The following SHISA9 variants were observed in gnomAD, a reference collection of about 807,000 sequenced individuals.
SHISA9 encodes the protein protein shisa-9.
Under a neutral mutation model 38.0 loss-of-function variants are expected in SHISA9, and 13 were observed. The observed-to-expected ratio is 0.34, with a 90% CI of 0.22 to 0.54. SHISA9 has a LOEUF of 0.54. Among genes scored for constraint, SHISA9 ranks in the 20% least tolerant of loss-of-function variants. The probability of loss-of-function intolerance (pLI) is 0.91; values close to 1 mark genes in which losing one functional copy is unlikely to be tolerated. For synonymous variants in SHISA9, 275 were observed against 242.0 expected (o/e 1.14, Z -1.27); for missense variants, 538 against 575.8 (o/e 0.93, Z 0.67).
intron 2 of SHISA9, among the ~76,000 whole-genome samples, chr16:12,931,105 T>C (rs762046493): frequency 1.6e-4 from 25 of 152,166 alleles, no homozygotes; most frequent in Non-Finnish European, 3.2e-4. Flanking sequence ...TCACGAATGC[T>C]GGGAGCATCC....
chr16:13,196,849 T>C (rs2578580), intron 2 of SHISA9, among the ~76,000 whole-genome samples: 78,256 of 151,644 alleles, frequency 0.52, 21,388 homozygotes, highest in African/African-American at 0.71. Flanking sequence ...ATCCCAGCAC[T>C]TTGGGAGACT....
chr16:13,547,407 G>A, the SHISA9 span, among the ~76,000 whole-genome samples: 27,775 of 152,052 alleles, frequency 0.18, 2,983 homozygotes, highest in Admixed American at 0.34. Flanking sequence ...TGAGATTATG[G>A]AGGAAGGAAA....
chr16:13,541,227 T>A, the SHISA9 span, among the ~76,000 whole-genome samples: 1 of 152,044 alleles, frequency 6.6e-6, no homozygotes, highest in East Asian at 1.9e-4. Flanking sequence ...CATGACAGTT[T>A]CCTCTCCAGG....
At chr16:13,050,330 A>T (rs921959880) in intron 2 of SHISA9, among the ~76,000 whole-genome samples, 13 of 152,026 alleles carry the variant, frequency 8.6e-5, no homozygotes, top group African/African-American at 2.7e-4. Context: ...ATATATATAC[A>T]TTTTAAATTT....
chr16:12,906,495 G>T (rs918090854), intron 1 of SHISA9, among the ~76,000 whole-genome samples: 1 of 152,082 alleles, frequency 6.6e-6, no homozygotes, highest in African/African-American at 2.4e-5. Context: ...CGTAAGAACC[G>T]AACAAATGCC....
At chr16:13,135,520 C>T (rs778021975) in intron 2 of SHISA9, among the ~76,000 whole-genome samples, 3 of 152,180 alleles carry the variant, frequency 2.0e-5, no homozygotes, top group African/African-American at 4.8e-5. Context: ...GGACAATATT[C>T]CATCCAGATC....
chr16:13,082,831 A>G (rs2141937885), intron 2 of SHISA9, among the ~76,000 whole-genome samples: 1 of 152,346 alleles, frequency 6.6e-6, no homozygotes, highest in East Asian at 1.9e-4. Context: ...AAATAGGAAT[A>G]AGGAAAAGAT....
At chr16:13,110,118 A>G (rs8059453) in intron 2 of SHISA9, among the ~76,000 whole-genome samples, 11,554 of 152,236 alleles carry the variant, frequency 0.076, 616 homozygotes, top group Admixed American at 0.15. Context: ...TCCCCACCAC[A>G]TATAGAGGGT....
At chr16:13,317,862 G>A in the SHISA9 span, among the ~76,000 whole-genome samples, 9 of 152,096 alleles carry the variant, frequency 5.9e-5, no homozygotes, top group African/African-American at 1.9e-4. Context: ...CCTAAGATTG[G>A]AAATGCCTCA....
the SHISA9 span, among the ~76,000 whole-genome samples, chr16:13,317,258 T>C: frequency 5.3e-5 from 8 of 152,266 alleles, no homozygotes; most frequent in East Asian, 1.4e-3. Context: ...TTCAAACCTC[T>C]CCTTGTAAGA....
At chr16:13,094,342 T>C (rs2073805184) in intron 2 of SHISA9, among the ~76,000 whole-genome samples, 1 of 152,208 alleles carries the variant, frequency 6.6e-6, no homozygotes, top group Admixed American at 6.5e-5. Flanking sequence ...AGAGCCAATG[T>C]ATTGCTAAAT....
chr16:12,960,458 C>T (rs112551814), intron 2 of SHISA9, among the ~76,000 whole-genome samples: 3 of 152,056 alleles, frequency 2.0e-5, no homozygotes, highest in Admixed American at 6.6e-5. Flanking sequence ...TCTAAAGATA[C>T]GTGCACACAT....
At chr16:13,110,626 T>A (rs2073969172) in intron 2 of SHISA9, among the ~76,000 whole-genome samples, 1 of 152,184 alleles carries the variant, frequency 6.6e-6, no homozygotes, top group African/African-American at 2.4e-5. Context: ...CAAAGGTTGC[T>A]GGAGACTCGG....
intron 2 of SHISA9, among the ~76,000 whole-genome samples, chr16:12,954,942 G>A (rs192763603): frequency 2.5e-4 from 38 of 152,180 alleles, no homozygotes; most frequent in Middle Eastern, 3.4e-3. Context: ...CTATGCACTC[G>A]GTATGTGATG....
chr16:13,333,167 T>C, the SHISA9 span, among the ~76,000 whole-genome samples: 1 of 152,144 alleles, frequency 6.6e-6, no homozygotes, highest in Non-Finnish European at 1.5e-5. Context: ...CATGATGCAA[T>C]TGGAACATCC....
chr16:12,909,080 T>C, intron 1 of SHISA9: 11 of 989,646 alleles, frequency 1.1e-5, no homozygotes, highest in Non-Finnish European at 1.2e-5. Flanking sequence ...CCTAAGGCTT[T>C]GACCAGCTTC....
the SHISA9 span, among the ~76,000 whole-genome samples, chr16:13,386,970 A>C: frequency 1.3e-5 from 2 of 152,206 alleles, no homozygotes; most frequent in African/African-American, 4.8e-5. Flanking sequence ...TAATTGACTG[A>C]ATACGGCTTT....
At chr16:13,206,336 C>A (rs1241610519) in intron 3 of SHISA9, among the ~76,000 whole-genome samples, 3 of 152,166 alleles carry the variant, frequency 2.0e-5, no homozygotes, top group East Asian at 3.8e-4. Context: ...TATTTTCTCC[C>A]CCCACTGCCA....
intron 2 of SHISA9, among the ~76,000 whole-genome samples, chr16:13,079,868 T>C (rs1343840148): frequency 6.6e-6 from 1 of 152,146 alleles, no homozygotes; most frequent in Non-Finnish European, 1.5e-5. Flanking sequence ...TTTTAACATA[T>C]AATTATGGTT....
Sources: allele counts gnomAD v4.1 joint callset (sites outside exome capture counted in the v4.1 genomes callset), GRCh38; gene constraint gnomAD v4.1.1; transcripts MANE v1.5; gene names NCBI Gene and HGNC (gene_info 2026-07-23, HGNC 2026-07-21).